The following LDB3 variants were observed in gnomAD, a reference collection of about 807,000 sequenced individuals.
The protein encoded by LDB3 is LIM domain binding 3.
In LDB3, 49 loss-of-function variants were observed where a neutral mutation model predicts 69.0. The observed-to-expected ratio is 0.71, with a 90% CI of 0.56 to 0.90. The LOEUF is 0.90. Among genes scored for constraint, LDB3 ranks in the 40% least tolerant of loss-of-function variants. LDB3 has a pLI of 0.00. For synonymous variants in LDB3, 387 were observed against 396.2 expected (o/e 0.98, Z 0.28); for missense variants, 928 against 974.1 (o/e 0.95, Z 0.63).
intron 2 of LDB3, among the ~76,000 whole-genome samples, chr10:86,671,826 TAGC>T (rs1236397478): frequency 1.3e-5 from 2 of 152,200 alleles, no homozygotes; most frequent in East Asian, 3.9e-4. Context: ...AAAATGGGGA[TAGC>T]AGGCTGGGCG....
At chr10:86,691,795 C>A in intron 5 of LDB3, 101 bp from the exon 6 acceptor site, 1 of 1,351,824 alleles carries the variant, frequency 7.4e-7, no homozygotes, top group South Asian at 1.2e-5. Context: ...AAGGTGGGGA[C>A]AGAACGATAG....
At chr10:86,683,438 T>C (rs754487247) in intron 5 of LDB3, among the ~76,000 whole-genome samples, 2 of 152,220 alleles carry the variant, frequency 1.3e-5, no homozygotes, top group Non-Finnish European at 1.5e-5. Flanking sequence ...GGCATGCAGG[T>C]CTGCCTGACT....
chr10:86,670,668 G>C (rs1352256482), intron 2 of LDB3, among the ~76,000 whole-genome samples: 1 of 152,188 alleles, frequency 6.6e-6, no homozygotes, highest in East Asian at 1.9e-4. Context: ...CTGGGGAGGG[G>C]GTATGCAGGG....
intron 7 of LDB3, 73 bp downstream of exon 7, chr10:86,692,644 A>G: frequency 1.5e-6 from 2 of 1,349,154 alleles, no homozygotes; most frequent in African/African-American, 1.4e-5. Context: ...CCCAGGTCAC[A>G]TCACTCATGG....
At chr10:86,679,983 C>G in intron 3 of LDB3, 99 bp from the exon 4 acceptor site, 2 of 1,047,218 alleles carry the variant, frequency 1.9e-6, no homozygotes, top group South Asian at 2.6e-5. Flanking sequence ...AGAGCTGACT[C>G]TGGCTCTCTC....
intron 2 of LDB3, among the ~76,000 whole-genome samples, chr10:86,678,992 T>G (rs997255090): frequency 2.6e-5 from 4 of 152,150 alleles, no homozygotes; most frequent in Admixed American, 2.6e-4. Flanking sequence ...TCATGCAACG[T>G]CCAATACAGT....
At chr10:86,704,921 G>A (rs1457193702) in intron 7 of LDB3, among the ~76,000 whole-genome samples, 1 of 151,756 alleles carries the variant, frequency 6.6e-6, no homozygotes, top group East Asian at 1.9e-4. Flanking sequence ...TCTCCACGTT[G>A]GTCAGGCTGG....
chr10:86,732,008 TC>T (rs67607605), intron 13 of LDB3, among the ~76,000 whole-genome samples: 24,161 of 125,952 alleles, frequency 0.19, 2,778 homozygotes, highest in East Asian at 0.51. Context: ...TCTTTCTTTT[TC>T]TTTTTTTTTT....
At position 86,702,358 on chromosome 10, in the gene LDB3, C is replaced by A. The variant is rs777132726; in HGVS notation, c.897-4173C>A. Among the ~76,000 whole-genome samples, 8 of 152,150 alleles carry A rather than the reference C, an allele frequency of 5.3e-5. 1 individual carries two copies. Among genetic ancestry groups the A allele is most frequent in the Non-Finnish European group, 1.0e-4 (7 of 68,028 alleles). ...TTCCCATCCTTTCCAGACATAATAT[C>A]ATAGTTATCAATAACAGCATCAACC... On this transcript the variant is annotated intron_variant, in intron 7 of 13. Coordinates refer to ENST00000361373, the MANE Select transcript of LDB3 (RefSeq NM_007078.3).
rs71019410 is a variant in LDB3 at position 86,699,239 on chromosome 10, TTCTCTCTCTCTC to T, written c.896+6686_896+6697del. 1.1e-4 allele frequency: 177 copies of T among 1,562,776 alleles called. No homozygotes were observed. The highest frequency in any genetic ancestry group is 1.7e-4 in the Middle Eastern group (1 of 5,976). The stretch of plus-strand genomic sequence containing the variant: ...TCTCTCTTTCTGTCTCTGTCTCTGT[TTCTCTCTCTCTC>T]TCTCTCTCTCTCTCTCTGTGCCACA... On this transcript the variant is annotated intron_variant, in intron 7 of 13. Transcript: ENST00000361373. This position sits in a 1 kb window ranked among gnomAD's most constrained non-coding sequence, Gnocchi z 4.9.
chr10:86,681,622 G>A lies in LDB3; in HGVS notation c.508G>A (p.Ala170Thr), dbSNP rs752170606. 6.2e-6 allele frequency: 10 copies of A among 1,613,006 alleles called. No homozygotes were observed. The highest frequency in any genetic ancestry group is 1.3e-5 in the African/African-American group (1 of 74,942). ...TGGCCCTCCGCGGGCCAGCCTGAGGGCCAAGACCAGCCCAGAGGGGGCCCG... is the reference window on the plus strand; with the variant it reads ...TGGCCCTCCGCGGGCCAGCCTGAGGACCAAGACCAGCCCAGAGGGGGCCCG... ...DPGPPRASLR[A>T]KTSPEGARDL... Residue 170 changes from alanine to threonine, a missense_variant, in exon 5 of 14, where the codon GCC (alanine) becomes ACC (threonine). By Grantham distance (58) the Ala-to-Thr change is moderately conservative (BLOSUM62 0). Coordinates refer to ENST00000361373, the MANE Select transcript of LDB3 (RefSeq NM_007078.3).
At chr10:86,726,917 G>A (rs1847274630) in intron 13 of LDB3, among the ~76,000 whole-genome samples, 1 of 152,044 alleles carries the variant, frequency 6.6e-6, no homozygotes, top group African/African-American at 2.4e-5. Context: ...ACATGATGGT[G>A]AGCCTACAGA....
intron 13 of LDB3, among the ~76,000 whole-genome samples, chr10:86,732,076 C>T (rs1489276124): frequency 1.3e-5 from 2 of 148,458 alleles, no homozygotes; most frequent in African/African-American, 2.5e-5. Context: ...AACACCTGGC[C>T]TCAAACGATC....
At chr10:86,671,927 C>T (rs1217402098) in intron 2 of LDB3, among the ~76,000 whole-genome samples, 3 of 152,162 alleles carry the variant, frequency 2.0e-5, no homozygotes, top group Non-Finnish European at 4.4e-5. Context: ...GCCTGGCCAA[C>T]ATGGTGAAAC....
chr10:86,678,027 C>G (rs1844895440), intron 2 of LDB3, among the ~76,000 whole-genome samples: 1 of 151,532 alleles, frequency 6.6e-6, no homozygotes, highest in South Asian at 2.1e-4. Context: ...TACAAATAGC[C>G]TGCAGTTTTT....
At chr10:86,688,010 T>C (rs1253104060) in intron 5 of LDB3, among the ~76,000 whole-genome samples, 1 of 152,076 alleles carries the variant, frequency 6.6e-6, no homozygotes, top group Non-Finnish European at 1.5e-5. Flanking sequence ...TCTGTCTTCC[T>C]CCTTGTTGCT....
At position 86,709,981 on chromosome 10, in the gene LDB3, C is replaced by T. The variant is rs758668141; in HGVS notation, c.1162C>T (p.Pro388Ser). The T allele has an allele frequency of 6.8e-6, 11 of 1,613,210 alleles. No homozygotes were observed. In the South Asian group the frequency reaches 9.9e-5, roughly 14 times the overall value. ...CACCCACACCAGCTACAGTGAGGGC[C>T]CCGCCGCCCCTGCACCCAAGCCCCG... ...PATHTSYSEG[P>S]AAPAPKPRVV... The change falls in exon 9 of 14, where the codon CCC (proline) becomes TCC (serine). Residue 388 changes from proline (P) to serine (S), a missense_variant. Pro to Ser is a moderately conservative substitution (Grantham distance 74). Transcript: ENST00000361373.
chr10:86,666,987 G>C, upstream of LDB3: 1 of 391,306 alleles, frequency 2.6e-6, no homozygotes. Context: ...CTGGAGTTAG[G>C]GATGAATGAC....
rs1477334065 is a variant in LDB3, at chr10:86,681,673, C to T, written c.559C>T (p.Pro187Ser). 1.9e-6 allele frequency: 3 copies of T among 1,613,392 alleles called. No individual in the cohort carries two copies. The South Asian group carries it at 3.3e-5, about 18-fold the overall frequency. The change falls in exon 5 of 14, where the codon CCG becomes TCG. Residue 187 changes from proline (P) to serine (S), a missense_variant. Transcript: ENST00000361373. ...ARDLLGPKAL[P>S]GSSQPRQYNN... ...GGACCTACTCGGCCCAAAAGCCCTG[C>T]CGGGCTCGAGCCAGCCGAGGCAATA...
Sources: gnomAD v4.1 joint callset for allele counts (sites outside exome capture counted in the v4.1 genomes callset) on GRCh38, gnomAD v4.1.1 for gene constraint, Gnocchi (gnomAD v3.1) non-coding constraint, MANE v1.5 for transcripts, NCBI Gene and HGNC (gene_info 2026-07-23, HGNC 2026-07-21) for gene names.